Variants in REEP1 observed in about 807,000 individuals in gnomAD.
REEP1 encodes the protein receptor expression-enhancing protein 1.
REEP1 carries 22 observed loss-of-function variants against 40.3 expected under a neutral mutation model. The ratio of observed to expected loss-of-function variants is 0.55; its 90% CI spans 0.39 to 0.78. The LOEUF is 0.78. REEP1 is among the 30% of genes least tolerant of loss of function. The pLI is 0.00. For missense variants in REEP1, 280 were observed against 361.1 expected (o/e 0.78, Z 1.82); for synonymous variants, 116 against 139.2 (o/e 0.83, Z 1.17).
intron 5 of REEP1, among the ~76,000 whole-genome samples, chr2:86,242,506 A>G (rs1675718543): frequency 1.5e-5 from 1 of 65,886 alleles, no homozygotes; most frequent in Non-Finnish European, 4.8e-5. Context: ...GACGGCATTA[A>G]CCTGGAGGAG....
intron 3 of REEP1, among the ~76,000 whole-genome samples, chr2:86,261,803 C>T (rs968349453): frequency 7.9e-5 from 12 of 152,236 alleles, no homozygotes; most frequent in African/African-American, 2.9e-4. Context: ...TGTCTCCCGC[C>T]CATCCCTGGG....
rs1018814603 is a variant in REEP1 at position 86,337,180 on chromosome 2, C to T, written c.32+299G>A. On this transcript the variant is annotated intron_variant, in intron 1 of 8. Coordinates refer to ENST00000538924, the MANE Select transcript of REEP1 (RefSeq NM_001371279.1). The surrounding 1 kb of genome is among the most constrained non-coding windows in gnomAD (Gnocchi z 5.8). ...AAATCGACCGAGCTGAGGAACAAAGCGGCCAGCGCGCGGCGAGACGCAGCC... is the reference window on the plus strand; with the variant it reads ...AAATCGACCGAGCTGAGGAACAAAGTGGCCAGCGCGCGGCGAGACGCAGCC... 1 of 178,956 alleles carries T rather than the reference C, an allele frequency of 5.6e-6. No individual in the cohort carries two copies. The highest frequency in any genetic ancestry group is 1.2e-5 in the Non-Finnish European group (1 of 86,012). 11.1% of individuals were successfully genotyped at this position (178,956 alleles called of 1,614,324 possible). A position where few individuals can be genotyped will look rare whatever the true frequency, so the allele number is the denominator to read the frequency against.
At chr2:86,232,580 C>T (rs761806831) in intron 6 of REEP1, 45 bp downstream of exon 6, 66 of 1,597,000 alleles carry the variant, frequency 4.1e-5, no homozygotes, top group Middle Eastern at 1.7e-4. Flanking sequence ...TCAATGAAAG[C>T]GAGGCCCAAG....
At chr2:86,219,923 G>T in intron 8 of REEP1, 47 bp downstream of exon 8, 1 of 1,228,196 alleles carries the variant, frequency 8.1e-7, no homozygotes, top group Non-Finnish European at 1.0e-6. Flanking sequence ...CCAGGGCATA[G>T]CCTTTGGACA....
Position 86,220,004 on chromosome 2 carries a change from T to C in REEP1, c.749A>G (p.Tyr250Cys). Residue 250 changes from tyrosine (Y) to cysteine (C), a missense_variant, in exon 8 of 9, where the codon TAT becomes TGT. Coordinates refer to ENST00000538924, the MANE Select transcript of REEP1 (RefSeq NM_001371279.1). Reference sequence around the variant, plus strand: ...CAATTCCATCCTTCGAGGTGCTTTATACTTGTACATGAAATCCAGCAGGTC... The same window carrying C: ...CAATTCCATCCTTCGAGGTGCTTTACACTTGTACATGAAATCCAGCAGGTC... The part of the protein sequence containing the change: ...EEDLLDFMYK[Y>C]KAPRRMELPL... 8.1e-7 allele frequency: 1 copy of C among 1,232,234 alleles called. No homozygotes were observed. Among genetic ancestry groups the C allele is most frequent in the Non-Finnish European group, 1.0e-6 (1 of 988,028 alleles). 76.3% of individuals were successfully genotyped at this position (1,232,234 alleles called of 1,614,324 possible). A position where few individuals can be genotyped will look rare whatever the true frequency, so the allele number is the denominator to read the frequency against.
intron 7 of REEP1, among the ~76,000 whole-genome samples, chr2:86,226,896 A>C (rs911157051): frequency 2.6e-5 from 4 of 152,118 alleles, no homozygotes; most frequent in Non-Finnish European, 4.4e-5. Flanking sequence ...AAATAGAATA[A>C]GGCAGAAGTG....
intron 1 of REEP1, among the ~76,000 whole-genome samples, chr2:86,298,484 A>G (rs545948927): frequency 6.6e-6 from 1 of 152,240 alleles, no homozygotes; most frequent in African/African-American, 2.4e-5. Flanking sequence ...CTGGTGAGGC[A>G]GGAGTGAACA....
intron 5 of REEP1, among the ~76,000 whole-genome samples, chr2:86,242,905 A>G (rs1675740343): frequency 6.6e-6 from 1 of 152,172 alleles, no homozygotes. Flanking sequence ...GGGGCATCAA[A>G]GGTGACAGAG....
intron 1 of REEP1, among the ~76,000 whole-genome samples, chr2:86,291,362 TCACATAAA>T (rs1678681892): frequency 6.6e-6 from 1 of 152,150 alleles, no homozygotes; most frequent in African/African-American, 2.4e-5. Context: ...CATAAACTGT[TCACATAAA>T]CGAGGTTCTC....
chr2:86,233,112 C>T (rs1035752120), intron 5 of REEP1, among the ~76,000 whole-genome samples: 5 of 152,216 alleles, frequency 3.3e-5, no homozygotes, highest in Non-Finnish European at 5.9e-5. Flanking sequence ...GGGCCAAGGG[C>T]GTGACTACTG....
chr2:86,297,613 C>G (rs1679046988), intron 1 of REEP1: 1 of 757,198 alleles, frequency 1.3e-6, no homozygotes, highest in Non-Finnish European at 1.6e-6. Flanking sequence ...CAAGAACAGC[C>G]ACTACCTGCA....
chr2:86,263,711 T>C (rs542034471), intron 3 of REEP1, among the ~76,000 whole-genome samples: 1 of 152,362 alleles, frequency 6.6e-6, no homozygotes, highest in South Asian at 2.1e-4. Context: ...ATTGAGGATG[T>C]GTATCTGTCC....
At chr2:86,303,114 C>T (rs1679325525) in intron 1 of REEP1, among the ~76,000 whole-genome samples, 1 of 152,010 alleles carries the variant, frequency 6.6e-6, no homozygotes, top group African/African-American at 2.4e-5. Flanking sequence ...ACCTTCTTAG[C>T]TCACTGTACC....
intron 1 of REEP1, among the ~76,000 whole-genome samples, chr2:86,307,217 A>G (rs1340471335): frequency 6.6e-6 from 1 of 150,978 alleles, no homozygotes; most frequent in African/African-American, 2.5e-5. Context: ...AAAAAAAAAA[A>G]GTCACACCTA....
intron 1 of REEP1, among the ~76,000 whole-genome samples, chr2:86,307,875 A>G (rs2104475532): frequency 6.6e-6 from 1 of 151,916 alleles, no homozygotes; most frequent in East Asian, 1.9e-4. Context: ...TTAAGTTGAC[A>G]AATAGAAAAC....
At chr2:86,228,536 G>A (rs1347086265) in intron 6 of REEP1, among the ~76,000 whole-genome samples, 5 of 150,460 alleles carry the variant, frequency 3.3e-5, no homozygotes, top group South Asian at 2.1e-4. Flanking sequence ...TCAGCTCACC[G>A]CAACCTCTGC....
At position 86,328,465 on chromosome 2, in the gene REEP1, G is replaced by A. The variant is rs138455754; in HGVS notation, c.32+9014C>T. Among the ~76,000 whole-genome samples, 586 of 152,328 alleles carry A rather than the reference G, an allele frequency of 3.8e-3. 1 individual carries two copies. Among genetic ancestry groups the A allele is most frequent in the African/African-American group, 0.013 (521 of 41,596 alleles). On this transcript the variant is annotated intron_variant, in intron 1 of 8. Coordinates refer to ENST00000538924, the MANE Select transcript of REEP1 (RefSeq NM_001371279.1). The stretch of plus-strand genomic sequence containing the variant: ...GGGAGGCCAAGGTGAGGAATCACGA[G>A]GTCAGGAGATCGAGACCATCCTGGC...
rs181020370 is a variant in REEP1 at position 86,337,555 on chromosome 2, A to C, written c.-45T>G. ...GAGGCCCGGGCGGCGCGGCTCGGCT[A>C]GGCTGCGGGCGGCGCGGGCTGCTGC... On this transcript the variant is annotated 5_prime_UTR_variant, in exon 1 of 9. Coordinates refer to ENST00000538924, the MANE Select transcript of REEP1 (RefSeq NM_001371279.1). The surrounding 1 kb of genome is among the most constrained non-coding windows in gnomAD (Gnocchi z 5.8). 6 of 1,212,806 alleles carry C rather than the reference A, an allele frequency of 4.9e-6. No homozygotes were observed. In the African/African-American group the frequency reaches 5.1e-5, roughly 10 times the overall value. 75.1% of individuals were successfully genotyped at this position (1,212,806 alleles called of 1,614,324 possible).
chr2:86,223,946 AAGAG>A (rs1238489029), intron 7 of REEP1, among the ~76,000 whole-genome samples: 1 of 152,174 alleles, frequency 6.6e-6, no homozygotes, highest in Non-Finnish European at 1.5e-5. Flanking sequence ...CACACAGAAA[AAGAG>A]AGACAAAGAC....
Sources: allele counts gnomAD v4.1 joint callset (sites outside exome capture counted in the v4.1 genomes callset), GRCh38; gene constraint gnomAD v4.1.1; non-coding constraint Gnocchi (gnomAD v3.1); transcripts MANE v1.5; gene names NCBI Gene and HGNC (gene_info 2026-07-23, HGNC 2026-07-21).